The following NKAIN2 variants were observed in gnomAD, a reference collection of about 807,000 sequenced individuals.
NKAIN2 encodes sodium/potassium transporting ATPase interacting 2, also known as sodium/potassium-transporting ATPase subunit beta-1-interacting protein 2.
A neutral mutation model predicts 32.6 loss-of-function variants in NKAIN2; 14 were observed. That is an observed-to-expected ratio of 0.43 (90% CI 0.28 to 0.67). NKAIN2 has a LOEUF of 0.67. NKAIN2 is among the 30% of genes least tolerant of loss of function. NKAIN2 has a pLI of 0.17. For missense variants in NKAIN2, 198 were observed against 258.3 expected (o/e 0.77, Z 1.60); for synonymous variants, 80 against 87.2 (o/e 0.92, Z 0.46).
At chr6:124,140,688 AT>A (rs1028303531) in intron 1 of NKAIN2, among the ~76,000 whole-genome samples, 1 of 152,090 alleles carries the variant, frequency 6.6e-6, no homozygotes, top group Non-Finnish European at 1.5e-5. Flanking sequence ...CTATCCAGCT[AT>A]TTTTTTAAAA....
intron 1 of NKAIN2, among the ~76,000 whole-genome samples, chr6:124,125,930 T>C (rs1786141999): frequency 6.6e-6 from 1 of 152,154 alleles, no homozygotes; most frequent in African/African-American, 2.4e-5. Context: ...CAGGTCACAC[T>C]CCCCTAGAGT....
intron 1 of NKAIN2, among the ~76,000 whole-genome samples, chr6:123,867,879 T>G (rs908046200): frequency 2.0e-5 from 3 of 151,030 alleles, no homozygotes; most frequent in Non-Finnish European, 4.4e-5. Flanking sequence ...TTTTTTTTTT[T>G]TTTGTTTCAG....
intron 1 of NKAIN2, among the ~76,000 whole-genome samples, chr6:123,995,614 T>G (rs1779587863): frequency 6.6e-6 from 1 of 152,202 alleles, no homozygotes; most frequent in Non-Finnish European, 1.5e-5. Flanking sequence ...GTCAGATGAA[T>G]TGGTCTTTTT....
chr6:124,815,814 G>T (rs188994111), intron 5 of NKAIN2, among the ~76,000 whole-genome samples: 76 of 152,172 alleles, frequency 5.0e-4, no homozygotes, highest in African/African-American at 1.7e-3. Context: ...GAATTATAAA[G>T]AAATTTTGAA....
At chr6:124,410,173 T>C (rs1774091281) in intron 3 of NKAIN2, among the ~76,000 whole-genome samples, 1 of 151,822 alleles carries the variant, frequency 6.6e-6, no homozygotes. Flanking sequence ...TTTTGAAGGG[T>C]TTTTTGTGTC....
intron 1 of NKAIN2, among the ~76,000 whole-genome samples, chr6:124,244,566 C>T (rs1793292061): frequency 6.6e-6 from 1 of 151,762 alleles, no homozygotes; most frequent in South Asian, 2.1e-4. Flanking sequence ...AAAGTTCAGC[C>T]GAGATGATAT....
chr6:124,251,994 T>A (rs1181377404), intron 1 of NKAIN2, among the ~76,000 whole-genome samples: 1 of 152,038 alleles, frequency 6.6e-6, no homozygotes, highest in Admixed American at 6.6e-5. Flanking sequence ...TCACTATATA[T>A]TACATGTATT....
intron 4 of NKAIN2, among the ~76,000 whole-genome samples, chr6:124,772,684 T>C (rs776385638): frequency 2.0e-5 from 3 of 152,204 alleles, no homozygotes; most frequent in Admixed American, 6.5e-5. Flanking sequence ...TAAGTCCATA[T>C]ACAGTGAAAG....
intron 1 of NKAIN2, among the ~76,000 whole-genome samples, chr6:123,816,541 C>T (rs141377664): frequency 6.1e-4 from 93 of 152,278 alleles, no homozygotes; most frequent in African/African-American, 2.2e-3. Flanking sequence ...CAGCACCCAA[C>T]TTTCTAAGAA....
In NKAIN2 at chr6:124,010,842, T is replaced by G. The variant is rs78485365; in HGVS notation, c.54+206588T>G. On this transcript the variant is annotated intron_variant, in intron 1 of 6. Coordinates refer to ENST00000368417, the MANE Select transcript of NKAIN2 (RefSeq NM_001040214.3). ...TTTAGAAACTGTGTGGTGGTGATTT[T>G]TAAAAAGGAAAATGGCAAGGACTGG... Among the ~76,000 whole-genome samples, 1,482 of 152,264 alleles carry G rather than the reference T, an allele frequency of 9.7e-3. 9 individuals are homozygous for G. Among genetic ancestry groups the G allele is most frequent in the Middle Eastern group, 0.061 (18 of 294 alleles).
At chr6:124,309,223 C>T (rs1446424077) in intron 2 of NKAIN2, among the ~76,000 whole-genome samples, 1 of 152,038 alleles carries the variant, frequency 6.6e-6, no homozygotes, top group African/African-American at 2.4e-5. Flanking sequence ...TTATTGGAAG[C>T]TTAGAAAGGG....
chr6:124,170,995 G>T (rs1788816320), intron 1 of NKAIN2, among the ~76,000 whole-genome samples: 1 of 151,908 alleles, frequency 6.6e-6, no homozygotes, highest in South Asian at 2.1e-4. Flanking sequence ...TAGAATTTTT[G>T]TCACTATCTT....
chr6:124,706,033 C>T (rs1474949608), intron 4 of NKAIN2, among the ~76,000 whole-genome samples: 4 of 151,974 alleles, frequency 2.6e-5, no homozygotes, highest in South Asian at 2.1e-4. Context: ...ATGACTATGG[C>T]GACCTTGATG....
chr6:124,745,263 C>CA (rs1412377141), intron 4 of NKAIN2, among the ~76,000 whole-genome samples: 1 of 151,718 alleles, frequency 6.6e-6, no homozygotes, highest in East Asian at 1.9e-4. Context: ...GAAGACTTTA[C>CA]AAAAAGGCTT....
At chr6:124,366,571 C>T (rs2114303890) in intron 3 of NKAIN2, among the ~76,000 whole-genome samples, 1 of 152,220 alleles carries the variant, frequency 6.6e-6, no homozygotes, top group African/African-American at 2.4e-5. Context: ...TGCCTCCCAT[C>T]TCATCTTTTG....
intron 1 of NKAIN2, among the ~76,000 whole-genome samples, chr6:124,250,375 TA>T (rs1353973804): frequency 6.6e-6 from 1 of 151,910 alleles, no homozygotes; most frequent in African/African-American, 2.4e-5. Context: ...GAGAATAAAT[TA>T]AAAAAATAAT....
At chr6:124,586,820 A>C (rs570698411) in intron 3 of NKAIN2, among the ~76,000 whole-genome samples, 1 of 152,324 alleles carries the variant, frequency 6.6e-6, no homozygotes, top group East Asian at 1.9e-4. Context: ...ATAAATCGTG[A>C]TACCTCTATA....
intron 1 of NKAIN2, among the ~76,000 whole-genome samples, chr6:123,872,518 A>C (rs886439370): frequency 6.6e-6 from 1 of 152,216 alleles, no homozygotes; most frequent in Non-Finnish European, 1.5e-5. Context: ...TGTTGGACTG[A>C]AGGCACAGCA....
intron 1 of NKAIN2, among the ~76,000 whole-genome samples, chr6:123,975,371 A>C (rs894315820): frequency 6.6e-6 from 1 of 152,216 alleles, no homozygotes; most frequent in Non-Finnish European, 1.5e-5. Context: ...TAATTGAATT[A>C]TACAAAAACT....
Sources: allele counts gnomAD v4.1 joint callset (sites outside exome capture counted in the v4.1 genomes callset), GRCh38; gene constraint gnomAD v4.1.1; transcripts MANE v1.5; gene names NCBI Gene and HGNC (gene_info 2026-07-23, HGNC 2026-07-21).